Variants in IL6R observed in about 807,000 individuals in gnomAD.
IL6R encodes the protein interleukin-6 receptor subunit alpha.
A neutral mutation model predicts 48.3 loss-of-function variants in IL6R; 38 were observed. The observed-to-expected ratio is 0.79, with a 90% CI of 0.61 to 1.03. The LOEUF is 1.03. Ranked by LOEUF, IL6R falls within the 50% of genes least tolerant of loss-of-function variation. The probability of loss-of-function intolerance (pLI) is 0.00; values close to 1 mark genes in which losing one functional copy is unlikely to be tolerated. For missense variants in IL6R, 534 were observed against 618.3 expected, an observed-to-expected ratio of 0.86 and a Z score of 1.45; for synonymous variants, 264 against 256.2, an observed-to-expected ratio of 1.03 and a Z score of -0.29.
At chr1:154,462,620 G>A (rs1056478824) in intron 9 of IL6R, among the ~76,000 whole-genome samples, 14 of 151,670 alleles carry the variant, frequency 9.2e-5, no homozygotes, top group African/African-American at 1.5e-4. Flanking sequence ...TTATCTGCCC[G>A]CCTAGGCCTC....
intron 9 of IL6R, among the ~76,000 whole-genome samples, chr1:154,455,622 T>G (rs1382947870): frequency 6.6e-6 from 1 of 151,268 alleles, no homozygotes; most frequent in African/African-American, 2.4e-5. Flanking sequence ...CCGGCTAATA[T>G]TTTGTGTTTT....
intron 3 of IL6R, 90 bp from the exon 4 acceptor site, chr1:154,434,429 A>C: frequency 1.7e-6 from 2 of 1,189,294 alleles, no homozygotes; most frequent in Non-Finnish European, 2.4e-6. Flanking sequence ...GCTGGGATTC[A>C]AACCCCGGGA....
At chr1:154,431,404 T>C (rs959371663) in intron 3 of IL6R, among the ~76,000 whole-genome samples, 1 of 152,178 alleles carries the variant, frequency 6.6e-6, no homozygotes, top group African/African-American at 2.4e-5. Flanking sequence ...AGACCCCTAG[T>C]GGATGCCTGA....
intron 1 of IL6R, among the ~76,000 whole-genome samples, chr1:154,406,990 G>A (rs1012318184): frequency 4.6e-5 from 7 of 152,184 alleles, no homozygotes; most frequent in African/African-American, 1.7e-4. Context: ...AGGTTGTCAG[G>A]CCCCGGTGAT....
At chr1:154,447,858 G>C (rs1158606698) in intron 6 of IL6R, among the ~76,000 whole-genome samples, 3 of 151,934 alleles carry the variant, frequency 2.0e-5, no homozygotes, top group Non-Finnish European at 2.9e-5. Context: ...GGGATTACAG[G>C]CATGTGCCAG....
intron 1 of IL6R, among the ~76,000 whole-genome samples, chr1:154,424,195 A>C (rs1052759243): frequency 5.3e-5 from 8 of 152,204 alleles, no homozygotes; most frequent in African/African-American, 1.7e-4. Context: ...TTTGGTGCCG[A>C]GACCCTGTCC....
At position 154,465,185 on chromosome 1, in the gene IL6R, G is replaced by A. The variant is rs1691491316; in HGVS notation, c.1212G>A (p.Met404Ile). The change falls in exon 10 of 10, where the codon ATG (methionine) becomes ATA (isoleucine). Residue 404 changes from methionine to isoleucine, a missense_variant. Coordinates refer to ENST00000368485, the MANE Select transcript of IL6R (RefSeq NM_000565.4). ...CTCTGAAGGAAGGCAAGACAAGCAT[G>A]CATCCGCCGTACTCTTTGGGGCAGC... is the stretch of plus-strand genomic sequence containing the variant. The part of the protein sequence containing the change: ...LRALKEGKTS[M>I]HPPYSLGQLV... 1 of 1,614,054 alleles carries A rather than the reference G, an allele frequency of 6.2e-7. No homozygotes were observed. The highest frequency in any genetic ancestry group is 1.3e-5 in the African/African-American group (1 of 74,916).
chr1:154,444,417 A>G (rs912873319), intron 6 of IL6R, among the ~76,000 whole-genome samples: 1 of 152,184 alleles, frequency 6.6e-6, no homozygotes, highest in African/African-American at 2.4e-5. Context: ...CATGTTGGTC[A>G]GGCTGGTCTT....
intron 1 of IL6R, among the ~76,000 whole-genome samples, chr1:154,408,004 A>C (rs1687829425): frequency 6.6e-6 from 1 of 152,082 alleles, no homozygotes; most frequent in Non-Finnish European, 1.5e-5. Flanking sequence ...CCCATTACCC[A>C]CACACGTGCC....
At chr1:154,433,159 G>C (rs1041560201) in intron 3 of IL6R, among the ~76,000 whole-genome samples, 2 of 152,230 alleles carry the variant, frequency 1.3e-5, no homozygotes, top group Non-Finnish European at 2.9e-5. Flanking sequence ...TTGGGGGAAG[G>C]AGGAAAGGGG....
intron 1 of IL6R, among the ~76,000 whole-genome samples, chr1:154,423,639 A>G (rs1688814598): frequency 6.6e-6 from 1 of 152,172 alleles, no homozygotes; most frequent in Admixed American, 6.5e-5. Context: ...AGCGTAGTTA[A>G]CACAGTGTTG....
At chr1:154,419,161 T>G (rs888630823) in intron 1 of IL6R, among the ~76,000 whole-genome samples, 2 of 152,198 alleles carry the variant, frequency 1.3e-5, no homozygotes, top group Admixed American at 1.3e-4. Context: ...TCTGATCTCT[T>G]GTTGCCTCAA....
chr1:154,414,278 A>C (rs1688205189), intron 1 of IL6R: 1 of 574,100 alleles, frequency 1.7e-6, no homozygotes, highest in Non-Finnish European at 3.0e-6. Context: ...TTTTGAGAGA[A>C]TGTCAATCCA....
chr1:154,447,502 C>T (rs11265615), intron 6 of IL6R, among the ~76,000 whole-genome samples: 4 of 97,930 alleles, frequency 4.1e-5, no homozygotes, highest in South Asian at 2.5e-4. Flanking sequence ...CACACACACA[C>T]ATATATATAT....
At chr1:154,423,815 T>C (rs1688823780) in intron 1 of IL6R, among the ~76,000 whole-genome samples, 1 of 152,184 alleles carries the variant, frequency 6.6e-6, no homozygotes. Flanking sequence ...GTGGCCATTA[T>C]GTTGCTCCCT....
intron 6 of IL6R, among the ~76,000 whole-genome samples, chr1:154,436,985 T>C (rs989390004): frequency 3.3e-5 from 5 of 152,246 alleles, no homozygotes; most frequent in African/African-American, 1.2e-4. Flanking sequence ...TTTATATATA[T>C]AAATGTAATA....
At chr1:154,431,035 T>C (rs759923841) in intron 3 of IL6R, among the ~76,000 whole-genome samples, 5 of 151,900 alleles carry the variant, frequency 3.3e-5, no homozygotes, top group East Asian at 1.9e-4. Flanking sequence ...TGGGAGGGGG[T>C]GTAGCACAGC....
At position 154,430,586 on chromosome 1, in the gene IL6R, T is replaced by C. The variant is rs780317394; in HGVS notation, c.438T>C (p.Ala146=). The part of the protein sequence containing the change: ...PRSTPSLTTK[A]VLLVRKFQNS... The stretch of plus-strand genomic sequence containing the variant: ...GCACCCCATCCCTGACGACAAAGGC[T>C]GTGCTCTTGGTGAGGAAGTTGTAAG... Residue 146 remains alanine (A), a synonymous_variant, in exon 3 of 10, where the codon GCT becomes GCC. Coordinates refer to ENST00000368485, the MANE Select transcript of IL6R (RefSeq NM_000565.4). 79 of 1,614,116 alleles carry C rather than the reference T, an allele frequency of 4.9e-5. 1 individual carries two copies. The highest frequency in any genetic ancestry group is 5.4e-5 in the Non-Finnish European group (64 of 1,180,036).
At chr1:154,420,996 A>G (rs1688629687) in intron 1 of IL6R, among the ~76,000 whole-genome samples, 1 of 152,146 alleles carries the variant, frequency 6.6e-6, no homozygotes, top group Non-Finnish European at 1.5e-5. Flanking sequence ...GGGAGGCAAT[A>G]CTGCCTCCTT....
Sources: gnomAD v4.1 joint callset for allele counts (sites outside exome capture counted in the v4.1 genomes callset) on GRCh38, gnomAD v4.1.1 for gene constraint, MANE v1.5 for transcripts, NCBI Gene and HGNC (gene_info 2026-07-23, HGNC 2026-07-21) for gene names.